Variants in RASGRP1 observed in about 807,000 individuals in gnomAD.
RASGRP1 encodes RAS guanyl releasing protein 1.
Under a neutral mutation model 95.1 loss-of-function variants are expected in RASGRP1, and 37 were observed. The ratio of observed to expected loss-of-function variants is 0.39; its 90% CI spans 0.30 to 0.51. The LOEUF is 0.51. Among genes scored for constraint, RASGRP1 ranks in the 20% least tolerant of loss-of-function variants. The pLI, the probability that RASGRP1 is intolerant of heterozygous loss-of-function variation, is 0.80. For synonymous variants in RASGRP1, 325 were observed against 353.4 expected, an observed-to-expected ratio of 0.92 and a Z score of 0.90; for missense variants, 711 against 965.4, an observed-to-expected ratio of 0.74 and a Z score of 3.49.
intron 6 of RASGRP1, among the ~76,000 whole-genome samples, chr15:38,515,769 CG>C (rs1891733304): frequency 6.7e-6 from 1 of 149,796 alleles, no homozygotes; most frequent in African/African-American, 2.5e-5. Flanking sequence ...ATCCTCTCCC[CG>C]CCCCCGCACC....
chr15:38,530,186 A>T (rs537627027), intron 2 of RASGRP1, among the ~76,000 whole-genome samples: 18 of 152,302 alleles, frequency 1.2e-4, no homozygotes, highest in African/African-American at 3.8e-4. Flanking sequence ...GCCCTAGCCT[A>T]CATGCCTCCC....
At chr15:38,504,260 T>C (rs1306949043) in intron 10 of RASGRP1, 1 of 152,058 alleles carries the variant, frequency 6.6e-6, no homozygotes, top group Non-Finnish European at 1.5e-5. Flanking sequence ...ACACTAAGTT[T>C]CTTAAATTTT....
At chr15:38,548,662 A>G (rs987763476) in intron 2 of RASGRP1, among the ~76,000 whole-genome samples, 4 of 152,228 alleles carry the variant, frequency 2.6e-5, no homozygotes, top group Non-Finnish European at 4.4e-5. Context: ...AGCTGCAACA[A>G]TGATCAGCAT....
chr15:38,548,885 G>A (rs1893213692), intron 2 of RASGRP1, among the ~76,000 whole-genome samples: 1 of 152,230 alleles, frequency 6.6e-6, no homozygotes, highest in South Asian at 2.1e-4. Context: ...GACACTGGTA[G>A]TTACTGACAA....
chr15:38,554,637 C>T (rs549121876), intron 2 of RASGRP1, among the ~76,000 whole-genome samples: 1 of 152,190 alleles, frequency 6.6e-6, no homozygotes, highest in South Asian at 2.1e-4. Context: ...GCGTGGAGAA[C>T]TGGTGATGCC....
chr15:38,501,059 A>G, intron 13 of RASGRP1, 84 bp downstream of exon 13: 3 of 1,427,846 alleles, frequency 2.1e-6, no homozygotes, highest in Non-Finnish European at 2.8e-6. Flanking sequence ...ATGGGTTCAT[A>G]AGGATTGTGA....
At chr15:38,532,642 C>A (rs1892489753) in intron 2 of RASGRP1, among the ~76,000 whole-genome samples, 1 of 152,194 alleles carries the variant, frequency 6.6e-6, no homozygotes. Context: ...GGTTGTCTGG[C>A]CTCTACTTGG....
At chr15:38,503,790 A>G (rs1157587990) in intron 10 of RASGRP1, 1 of 216,292 alleles carries the variant, frequency 4.6e-6, no homozygotes, top group African/African-American at 2.4e-5. Flanking sequence ...CACAAGAAAA[A>G]TCATCGGAAG....
chr15:38,499,186 T>A (rs1285257601), intron 14 of RASGRP1: 1 of 657,210 alleles, frequency 1.5e-6, no homozygotes, highest in Non-Finnish European at 2.8e-6. Context: ...TCCTGATATC[T>A]TGGAGGGAAG....
At chr15:38,537,991 C>T (rs919290886) in intron 2 of RASGRP1, among the ~76,000 whole-genome samples, 6 of 152,172 alleles carry the variant, frequency 3.9e-5, no homozygotes, top group South Asian at 2.1e-4. Flanking sequence ...GGGCTGGGCA[C>T]GGTGGCTCAT....
intron 13 of RASGRP1, 25 bp from the exon 14 acceptor site, chr15:38,500,164 C>G (rs62003591): frequency 0.015 from 24,192 of 1,611,408 alleles, 229 homozygotes; most frequent in Non-Finnish European, 0.019. Flanking sequence ...ACAGAATGCA[C>G]CACATGTCAT....
intron 2 of RASGRP1, among the ~76,000 whole-genome samples, chr15:38,539,416 T>G (rs1892778581): frequency 6.6e-6 from 1 of 152,012 alleles, no homozygotes. Flanking sequence ...AGAAACAGAG[T>G]CAAGAGAGGT....
chr15:38,498,346 T>C (rs868158955), intron 15 of RASGRP1, among the ~76,000 whole-genome samples: 3 of 152,190 alleles, frequency 2.0e-5, no homozygotes, highest in African/African-American at 4.8e-5. Context: ...CCTTGAGATA[T>C]CTGTTTTTGA....
At chr15:38,514,239 C>T (rs1891666008) in intron 6 of RASGRP1, among the ~76,000 whole-genome samples, 1 of 152,088 alleles carries the variant, frequency 6.6e-6, no homozygotes, top group African/African-American at 2.4e-5. Flanking sequence ...TTTTACTGTG[C>T]TATATGGCTG....
At chr15:38,559,605 A>G (rs1321364260) in intron 2 of RASGRP1, among the ~76,000 whole-genome samples, 2 of 152,104 alleles carry the variant, frequency 1.3e-5, no homozygotes, top group East Asian at 3.9e-4. Context: ...AACTCTCCTA[A>G]CTTTTCTCAC....
At chr15:38,548,221 T>A (rs754758948) in intron 2 of RASGRP1, among the ~76,000 whole-genome samples, 1 of 152,222 alleles carries the variant, frequency 6.6e-6, no homozygotes, top group Non-Finnish European at 1.5e-5. Context: ...ATTTTTGTAA[T>A]CCTAAATCAT....
chr15:38,503,930 G>A (rs1891146686), intron 10 of RASGRP1: 1 of 162,376 alleles, frequency 6.2e-6, no homozygotes, highest in South Asian at 1.9e-4. Context: ...AACCTAGATG[G>A]TATAGCCTGC....
chr15:38,547,115 C>T (rs566694726), intron 2 of RASGRP1, among the ~76,000 whole-genome samples: 1 of 152,320 alleles, frequency 6.6e-6, no homozygotes, highest in South Asian at 2.1e-4. Flanking sequence ...CTCATATCTA[C>T]ATGTATACAC....
intron 15 of RASGRP1, among the ~76,000 whole-genome samples, chr15:38,497,274 A>C (rs1008601942): frequency 6.6e-6 from 1 of 152,132 alleles, no homozygotes; most frequent in African/African-American, 2.4e-5. Flanking sequence ...CAAGCCCTTC[A>C]TGTTACCCTT....
Sources: allele counts gnomAD v4.1 joint callset (sites outside exome capture counted in the v4.1 genomes callset), GRCh38; gene constraint gnomAD v4.1.1; transcripts MANE v1.5; gene names NCBI Gene and HGNC (gene_info 2026-07-23, HGNC 2026-07-21).